RNPEPL1: variants seen among roughly 807,000 people sequenced by gnomAD.
RNPEPL1 encodes aminopeptidase RNPEPL1.
In RNPEPL1, 46 loss-of-function variants were observed where a neutral mutation model predicts 69.0. The observed-to-expected ratio is 0.67, with a 90% CI of 0.53 to 0.85. The LOEUF (loss-of-function observed/expected upper bound fraction) is 0.85. Among genes scored for constraint, RNPEPL1 ranks in the 40% least tolerant of loss-of-function variants. The probability of loss-of-function intolerance (pLI) is 0.00; values close to 1 mark genes in which losing one functional copy is unlikely to be tolerated. For missense variants in RNPEPL1, 869 were observed against 992.5 expected (o/e 0.88, Z 1.67); for synonymous variants, 525 against 454.1 (o/e 1.16, Z -1.98).
Position 240,568,612 on chromosome 2 carries a change from A to AGGCGCCC in RNPEPL1, c.33_39dup (p.Glu14ArgfsTer292). ...ATGGCCGCGCAGTGCTGCTGCCGCC[A>AGGCGCCC]GGCGCCCGGCGCCGAGGCCGCGCCC... On this transcript the variant is annotated frameshift_variant, in exon 1 of 11. Transcript: ENST00000270357. LOFTEE classifies it high-confidence loss of function. This position sits in a 1 kb window ranked among gnomAD's most constrained non-coding sequence, Gnocchi z 6.2. The AGGCGCCC allele has an allele frequency of 1.0e-6, 1 of 988,532 alleles. No homozygotes were observed. Among genetic ancestry groups the AGGCGCCC allele is most frequent in the Non-Finnish European group, 1.2e-6 (1 of 836,204 alleles). 61.2% of individuals were successfully genotyped at this position (988,532 alleles called of 1,614,324 possible).
Position 240,576,879 on chromosome 2 carries a change from C to T in RNPEPL1, c.1773C>T (p.Ser591=). The T allele has an allele frequency of 2.5e-6, 4 of 1,613,314 alleles. No homozygotes were observed. The highest frequency in any genetic ancestry group is 3.4e-6 in the Non-Finnish European group (4 of 1,179,982). The part of the protein sequence containing the change: ...EVVMSLSKCY[S]SLLDSMNAEI... ...TGATGAGCCTGTCCAAGTGCTACTCCTCCCTGCTGGACTCGATGAACGCTG... is the reference window on the plus strand; with the variant it reads ...TGATGAGCCTGTCCAAGTGCTACTCTTCCCTGCTGGACTCGATGAACGCTG... Residue 591 remains serine (S), a synonymous_variant, in exon 10 of 11, where the codon TCC becomes TCT. Coordinates refer to ENST00000270357, the MANE Select transcript of RNPEPL1 (RefSeq NM_018226.6).
At chr2:240,569,898 G>A (rs2093016439) in intron 1 of RNPEPL1, among the ~76,000 whole-genome samples, 1 of 152,234 alleles carries the variant, frequency 6.6e-6, no homozygotes, top group Admixed American at 6.5e-5. Context: ...GGGTGGTGGA[G>A]AGGTGGTCGA....
intron 5 of RNPEPL1, 34 bp from the exon 6 acceptor site, chr2:240,574,481 C>T (rs1031687341): frequency 6.3e-7 from 1 of 1,585,220 alleles, no homozygotes; most frequent in Non-Finnish European, 8.6e-7. Flanking sequence ...CCCTACACCC[C>T]CTCACCTCTC....
Position 240,575,101 on chromosome 2 carries a change from C to T in RNPEPL1, c.1360C>T (p.Gln454Ter), listed in dbSNP as rs923966543. Residue 454 changes from glutamine to a stop codon, truncating the protein, a stop_gained, in exon 7 of 11, where the codon CAG becomes TAG. Transcript: ENST00000270357. LOFTEE classifies it high-confidence loss of function. ...KGYCFVYYLS[Q>*]LCGDPQRFDD... ...CTACTGCTTCGTGTACTACCTGTCC[C>T]AGCTCTGCGGAGACCCACAGCGCTT... The T allele has an allele frequency of 1.2e-6, 2 of 1,613,798 alleles. No individual in the cohort carries two copies. The highest frequency in any genetic ancestry group is 8.5e-7 in the Non-Finnish European group (1 of 1,180,008).
At position 240,576,723 on chromosome 2, in the gene RNPEPL1, C is replaced by T; in HGVS notation, c.1699C>T (p.Leu567Phe). The change falls in exon 9 of 11, where the codon CTC becomes TTC. Residue 567 changes from leucine (L) to phenylalanine (F), a missense_variant. By Grantham distance (22) the Leu-to-Phe change is conservative. Coordinates refer to ENST00000270357, the MANE Select transcript of RNPEPL1 (RefSeq NM_018226.6). ...ISKWRTFQTA[L>F]FLDRLLDGSP... ...CAAGTGGAGGACCTTCCAGACAGCA[C>T]TCTTCCTGGACCGGCTCCTGGATGG... 1 of 1,613,006 alleles carries T rather than the reference C, an allele frequency of 6.2e-7. No homozygotes were observed. Among genetic ancestry groups the T allele is most frequent in the Non-Finnish European group, 8.5e-7 (1 of 1,179,962 alleles).
At position 240,578,861 on chromosome 2, in the gene RNPEPL1, AGCCC is replaced by A. The variant is rs2093045967; in HGVS notation, c.*971_*974del. ...GTGTGGCCCCCTCCTCTGATACATA[AGCCC>A]GAGAGCAGGCTCCCCGAATCCTGCC... On this transcript the variant is annotated 3_prime_UTR_variant, in exon 11 of 11. Transcript: ENST00000270357. 1 of 152,362 alleles carries A rather than the reference AGCCC, an allele frequency of 6.6e-6. No individual in the cohort carries two copies. The highest frequency in any genetic ancestry group is 2.4e-5 in the African/African-American group (1 of 41,414). 9.4% of individuals were successfully genotyped at this position (152,362 alleles called of 1,614,324 possible). A position where few individuals can be genotyped will look rare whatever the true frequency, so the allele number is the denominator to read the frequency against.
In RNPEPL1 at chr2:240,576,409, A is replaced by G. The variant is rs2093037787; in HGVS notation, c.1511-126A>G. 3.6e-6 allele frequency: 3 copies of G among 833,736 alleles called. No individual in the cohort carries two copies. In the Admixed American group the frequency reaches 8.4e-5, roughly 23 times the overall value. The allele number at this position is 833,736 out of a possible 1,614,324, so 51.6% of individuals were successfully genotyped here. ...TGGAGCTGACTCCGCCTTCCTGAACAGCCCACGTCCCTGGAACAGGCCACC... is the reference window on the plus strand; with the variant it reads ...TGGAGCTGACTCCGCCTTCCTGAACGGCCCACGTCCCTGGAACAGGCCACC... On this transcript the variant is annotated intron_variant, in intron 8 of 10. Transcript: ENST00000270357.
rs1251821515 is a variant in RNPEPL1, at chr2:240,577,805, C to T, written c.2091C>T (p.Asp697=). 6.2e-7 allele frequency: 1 copy of T among 1,609,872 alleles called. No homozygotes were observed. The highest frequency in any genetic ancestry group is 8.5e-7 in the Non-Finnish European group (1 of 1,177,654). The change falls in exon 11 of 11, where the codon GAC becomes GAT. Residue 697 remains aspartate, a synonymous_variant. Coordinates refer to ENST00000270357, the MANE Select transcript of RNPEPL1 (RefSeq NM_018226.6). ...CGGAGCTGGGCAAGGCTGAAGCAGA[C>T]ACAGACTCGGACGCACAGGCCCTGC... ...PSTELGKAEA[D]TDSDAQALLL... is the part of the protein sequence containing the mutation.
chr2:240,568,658 G>A lies in RNPEPL1; in HGVS notation c.72G>A (p.Pro24=), dbSNP rs1306555348. ...CGCCCGTCCGCCCGCCGCCCGAGCC[G>A]CCGCCCGCCCTGGACGTGGCCTCGG... ...EAAPVRPPPE[P]PPALDVASAS... The change falls in exon 1 of 11, where the codon CCG becomes CCA. Residue 24 remains proline, a synonymous_variant. Coordinates refer to ENST00000270357, the MANE Select transcript of RNPEPL1 (RefSeq NM_018226.6). This position sits in a 1 kb window ranked among gnomAD's most constrained non-coding sequence, Gnocchi z 6.2. 2 of 1,014,660 alleles carry A rather than the reference G, an allele frequency of 2.0e-6. No individual in the cohort carries two copies. Among genetic ancestry groups the A allele is most frequent in the South Asian group, 4.1e-5 (1 of 24,188 alleles). The allele number at this position is 1,014,660 out of a possible 1,614,324, so 62.9% of individuals were successfully genotyped here.
intron 1 of RNPEPL1, among the ~76,000 whole-genome samples, chr2:240,570,319 C>A (rs1417356782): frequency 6.6e-6 from 1 of 152,194 alleles, no homozygotes; most frequent in African/African-American, 2.4e-5. Flanking sequence ...CTGGGTGGCC[C>A]TTGGGTACTC....
rs535110860 is a variant in RNPEPL1, at chr2:240,578,087, C to G, written c.*195C>G. 1.4e-5 allele frequency: 7 copies of G among 492,204 alleles called. 1 individual carries two copies. The South Asian group carries it at 3.7e-4, about 26-fold the overall frequency. The allele number at this position is 492,204 out of a possible 1,614,324, so 30.5% of individuals were successfully genotyped here. A position where few individuals can be genotyped will look rare whatever the true frequency, so the allele number is the denominator to read the frequency against. ...TCTGGCAGAGACCTGTGGACCTGGCCTCCCCACTCCCAGCTCTCTTGCACT... is the reference window on the plus strand; with the variant it reads ...TCTGGCAGAGACCTGTGGACCTGGCGTCCCCACTCCCAGCTCTCTTGCACT... On this transcript the variant is annotated 3_prime_UTR_variant, in exon 11 of 11. Transcript: ENST00000270357.
intron 4 of RNPEPL1, 76 bp downstream of exon 4, chr2:240,573,967 G>C (rs568619267): frequency 1.4e-6 from 2 of 1,429,556 alleles, no homozygotes; most frequent in Admixed American, 2.0e-5. Context: ...TGACCCCTGG[G>C]GTGTCCTGTC....
intron 1 of RNPEPL1, among the ~76,000 whole-genome samples, chr2:240,570,434 C>G (rs935948250): frequency 1.3e-5 from 2 of 152,224 alleles, no homozygotes; most frequent in Non-Finnish European, 2.9e-5. Flanking sequence ...GCCCTACTTG[C>G]AGAAGGCAGA....
rs1183512833 is a variant in RNPEPL1 at position 240,580,412 on chromosome 2, G to C, written c.*2520G>C. ...TTAGCACAGCACCCCTCTCCTAGCG[G>C]CCAGCTTCTCTATTAGGCCACGTTA... On this transcript the variant is annotated 3_prime_UTR_variant, in exon 11 of 11. Coordinates refer to ENST00000270357, the MANE Select transcript of RNPEPL1 (RefSeq NM_018226.6). 2.0e-5 allele frequency: 3 copies of C among 152,206 alleles called. No homozygotes were observed. Among genetic ancestry groups the C allele is most frequent in the Admixed American group, 1.3e-4 (2 of 15,276 alleles). 9.4% of individuals were successfully genotyped at this position (152,206 alleles called of 1,614,324 possible).
chr2:240,576,182 C>T, intron 8 of RNPEPL1: 1 of 371,786 alleles, frequency 2.7e-6, no homozygotes, highest in South Asian at 4.0e-5. Flanking sequence ...ATCTTAAGAG[C>T]CTGTTGCCCC....
At chr2:240,575,402 C>T (rs574022241) in intron 7 of RNPEPL1, 100 bp from the exon 8 acceptor site, 16 of 1,034,080 alleles carry the variant, frequency 1.5e-5, no homozygotes, top group East Asian at 1.4e-4. Flanking sequence ...GTGCCCAGCA[C>T]GTACCTTGGC....
At chr2:240,569,153 G>A in intron 1 of RNPEPL1, 39 bp downstream of exon 1, 3 of 1,398,404 alleles carry the variant, frequency 2.1e-6, no homozygotes, top group Non-Finnish European at 1.8e-6. Context: ...GGGCCGGTCC[G>A]CAGGGCGCTG....
At chr2:240,572,977 C>CT in intron 2 of RNPEPL1, 133 bp from the exon 3 acceptor site, 1 of 1,101,936 alleles carries the variant, frequency 9.1e-7, no homozygotes, top group Non-Finnish European at 1.3e-6. Flanking sequence ...GAGAAGTTCT[C>CT]TGACAGAAAC....
At chr2:240,576,069 G>A (rs1198827031) in intron 8 of RNPEPL1, 3 of 255,544 alleles carry the variant, frequency 1.2e-5, no homozygotes, top group Non-Finnish European at 2.3e-5. Context: ...GTGCCACTGG[G>A]AGGGCTGTGC....
Sources: allele counts gnomAD v4.1 joint callset (sites outside exome capture counted in the v4.1 genomes callset), GRCh38; gene constraint gnomAD v4.1.1; non-coding constraint Gnocchi (gnomAD v3.1); transcripts MANE v1.5; gene names NCBI Gene and HGNC (gene_info 2026-07-23, HGNC 2026-07-21).